PAPOLA: variants seen among roughly 807,000 people sequenced by gnomAD.
PAPOLA encodes poly(A) polymerase alpha.
In PAPOLA, 15 loss-of-function variants were observed where a neutral mutation model predicts 100.6. That is an observed-to-expected ratio of 0.15 (90% CI 0.10 to 0.23). The LOEUF (loss-of-function observed/expected upper bound fraction) is 0.23, where lower values mean the gene tolerates loss of function less well. Ranked by LOEUF, PAPOLA falls within the 10% of genes least tolerant of loss-of-function variation. The pLI is 1.00. For missense variants in PAPOLA, 533 were observed against 884.2 expected (o/e 0.60, Z 5.04); for synonymous variants, 293 against 300.0 (o/e 0.98, Z 0.24).
At position 96,518,674 on chromosome 14, in the gene PAPOLA, A is replaced by G. The variant is rs184218727; in HGVS notation, c.9-1381A>G. 4.1e-3 allele frequency among the ~76,000 whole-genome samples: 622 copies of G among 150,982 alleles called. 3 individuals are homozygous for G. Among genetic ancestry groups the G allele is most frequent in the African/African-American group, 0.014 (590 of 41,224 alleles). On this transcript the variant is annotated intron_variant, in intron 1 of 21. Coordinates refer to ENST00000216277, the MANE Select transcript of PAPOLA (RefSeq NM_032632.5). ...GGCCTCCCAAAGTGCTGGGATTACA[A>G]GCGTGAGCCACCGCGCCTGGCCTTT...
intron 1 of PAPOLA, among the ~76,000 whole-genome samples, chr14:96,505,928 G>A (rs1217782133): frequency 6.6e-6 from 1 of 151,840 alleles, no homozygotes; most frequent in Non-Finnish European, 1.5e-5. Context: ...CGTTCTTGAC[G>A]GAGTCTTGCT....
intron 3 of PAPOLA, among the ~76,000 whole-genome samples, chr14:96,522,344 T>G (rs1898070110): frequency 6.6e-6 from 1 of 151,666 alleles, no homozygotes. Context: ...GTCTCAAACT[T>G]TTGGTCTCAA....
intron 1 of PAPOLA, among the ~76,000 whole-genome samples, chr14:96,516,416 C>T (rs1046524717): frequency 7.0e-6 from 1 of 143,512 alleles, no homozygotes; most frequent in Admixed American, 6.9e-5. Context: ...CTCCTGGGCT[C>T]CTATCTCAAA....
chr14:96,520,677 AC>A (rs1283833234), intron 2 of PAPOLA, among the ~76,000 whole-genome samples: 1 of 152,138 alleles, frequency 6.6e-6, no homozygotes, highest in Non-Finnish European at 1.5e-5. Flanking sequence ...TTTATTTTCT[AC>A]ATAGAGTTCT....
At chr14:96,555,256 T>C (rs61983074) in intron 17 of PAPOLA, among the ~76,000 whole-genome samples, 1 of 150,254 alleles carries the variant, frequency 6.7e-6, no homozygotes, top group Non-Finnish European at 1.5e-5. Context: ...TTTTTTTTCT[T>C]GTAGAGACGA....
At position 96,519,923 on chromosome 14, in the gene PAPOLA, A is replaced by C. The variant is rs1324657725; in HGVS notation, c.9-132A>C. On this transcript the variant is annotated intron_variant, in intron 1 of 21. Transcript: ENST00000216277. Reference sequence around the variant, plus strand: ...TTGCTTTTGGTCACTTTTTGTCAAAAATTTTGGGGGTATTGCAGGGAACCA... The same window carrying C: ...TTGCTTTTGGTCACTTTTTGTCAAACATTTTGGGGGTATTGCAGGGAACCA... The C allele has an allele frequency of 4.5e-6, 3 of 669,992 alleles. No homozygotes were observed. The East Asian group carries it at 8.9e-5, about 20-fold the overall frequency. 41.5% of individuals were successfully genotyped at this position (669,992 alleles called of 1,614,324 possible).
At chr14:96,535,375 C>T in intron 10 of PAPOLA, 1 of 980,196 alleles carries the variant, frequency 1.0e-6, no homozygotes, top group South Asian at 4.7e-5. Flanking sequence ...TTAAAATTAA[C>T]AGTATATCAT....
At chr14:96,536,938 CTG>C (rs2140294655) in intron 11 of PAPOLA, 36 bp from the exon 12 acceptor site, 1 of 1,124,210 alleles carries the variant, frequency 8.9e-7, no homozygotes, top group East Asian at 2.4e-5. Context: ...AGATTGTAGA[CTG>C]AAGTATGCAA....
intron 15 of PAPOLA, among the ~76,000 whole-genome samples, chr14:96,545,022 A>G (rs770261496): frequency 9.9e-5 from 15 of 152,176 alleles, no homozygotes; most frequent in Non-Finnish European, 1.9e-4. Context: ...GGCAAATACT[A>G]CGCATAGGGA....
Position 96,565,648 on chromosome 14 carries a change from TTGAA to T in PAPOLA, c.*599_*602del, listed in dbSNP as rs1595566762. The T allele has an allele frequency of 1.0e-5, 4 of 396,784 alleles. No homozygotes were observed. In the East Asian group the frequency reaches 1.4e-4, roughly 14 times the overall value. 24.6% of individuals were successfully genotyped at this position (396,784 alleles called of 1,614,324 possible). On this transcript the variant is annotated 3_prime_UTR_variant, in exon 22 of 22. Coordinates refer to ENST00000216277, the MANE Select transcript of PAPOLA (RefSeq NM_032632.5). ...CGTCAACTCTAGGGTACATTTGACATTGAAAGAATAGTTAGGAAATAACTTGGTT... is the reference window on the plus strand; with the variant it reads ...CGTCAACTCTAGGGTACATTTGACATAGAATAGTTAGGAAATAACTTGGTT...
intron 20 of PAPOLA, chr14:96,562,426 G>GT (rs538584053): frequency 0.19 from 25,955 of 136,398 alleles, 2,495 homozygotes; most frequent in Non-Finnish European, 0.23. Flanking sequence ...TATTGAATAA[G>GT]TTTTTTTTTT....
intron 19 of PAPOLA, 185 bp from the exon 20 acceptor site, chr14:96,560,464 T>G: frequency 2.0e-6 from 1 of 506,282 alleles, no homozygotes; most frequent in Non-Finnish European, 3.5e-6. Flanking sequence ...TTTTATTAGC[T>G]ACTGAAGCCA....
At chr14:96,525,267 C>G in intron 3 of PAPOLA, 43 bp from the exon 4 acceptor site, 1 of 867,630 alleles carries the variant, frequency 1.2e-6, no homozygotes, top group Non-Finnish European at 2.0e-6. Context: ...GAATAGTTTC[C>G]CTTGTGCTCC....
At chr14:96,536,776 G>T (rs1225615222) in intron 11 of PAPOLA, 200 bp from the exon 12 acceptor site, 6 of 413,514 alleles carry the variant, frequency 1.5e-5, no homozygotes, top group Non-Finnish European at 2.2e-5. Context: ...CAGAAACCTG[G>T]TTCTCAAAAA....
intron 16 of PAPOLA, among the ~76,000 whole-genome samples, chr14:96,550,099 T>C (rs1900723442): frequency 6.6e-6 from 1 of 151,140 alleles, no homozygotes; most frequent in South Asian, 2.1e-4. Context: ...AGTGAACTTA[T>C]GATTATGCCA....
chr14:96,521,461 T>A (rs1897954575), intron 3 of PAPOLA, among the ~76,000 whole-genome samples: 1 of 152,148 alleles, frequency 6.6e-6, no homozygotes, highest in African/African-American at 2.4e-5. Context: ...TCAGGTATTA[T>A]TCAAACTGAA....
At chr14:96,510,379 A>G (rs189096325) in intron 1 of PAPOLA, among the ~76,000 whole-genome samples, 77 of 148,186 alleles carry the variant, frequency 5.2e-4, no homozygotes, top group African/African-American at 1.9e-3. Flanking sequence ...TTCATTTTCA[A>G]GTTGTACTTG....
intron 6 of PAPOLA, among the ~76,000 whole-genome samples, chr14:96,529,076 C>T (rs1334413999): frequency 1.3e-5 from 2 of 152,136 alleles, no homozygotes; most frequent in African/African-American, 4.8e-5. Context: ...CTACTTAAAA[C>T]ATTTAATGTG....
intron 14 of PAPOLA, among the ~76,000 whole-genome samples, chr14:96,543,656 A>G (rs930511727): frequency 6.6e-6 from 1 of 152,144 alleles, no homozygotes; most frequent in East Asian, 1.9e-4. Flanking sequence ...CATTCAGTAG[A>G]TAAACTGTTA....
Sources: gnomAD v4.1 joint callset for allele counts (sites outside exome capture counted in the v4.1 genomes callset) on GRCh38, gnomAD v4.1.1 for gene constraint, MANE v1.5 for transcripts, NCBI Gene and HGNC (gene_info 2026-07-23, HGNC 2026-07-21) for gene names.